ABHD18: variants seen among roughly 807,000 people sequenced by gnomAD.
ABHD18 encodes the protein abhydrolase domain containing 18.
ABHD18 carries 55 observed loss-of-function variants against 65.9 expected under a neutral mutation model. The ratio of observed to expected loss-of-function variants is 0.84; its 90% CI spans 0.67 to 1.05. The LOEUF (loss-of-function observed/expected upper bound fraction) is 1.05. Among genes scored for constraint, ABHD18 ranks in the 50% least tolerant of loss-of-function variants. The pLI is 0.00. For synonymous variants in ABHD18, 181 were observed against 180.2 expected (o/e 1.00, Z -0.04); for missense variants, 533 against 558.5 (o/e 0.95, Z 0.46).
intron 1 of ABHD18, among the ~76,000 whole-genome samples, chr4:127,979,016 T>C (rs567403942): frequency 6.6e-6 from 1 of 152,334 alleles, no homozygotes; most frequent in East Asian, 1.9e-4. Flanking sequence ...ATGGTAAGTA[T>C]GTAAGTCAAA....
intron 7 of ABHD18, among the ~76,000 whole-genome samples, chr4:128,012,836 T>TGGGTG (rs1291122546): frequency 2.0e-5 from 3 of 151,140 alleles, no homozygotes; most frequent in Non-Finnish European, 4.4e-5. Context: ...GAGGCCAAGG[T>TGGGTG]GGGTGGATCA....
intron 7 of ABHD18, among the ~76,000 whole-genome samples, chr4:128,014,512 A>G (rs981789531): frequency 2.6e-5 from 4 of 152,214 alleles, no homozygotes; most frequent in African/African-American, 9.6e-5. Flanking sequence ...AATTTCTTCC[A>G]TGTAGAAGTG....
intron 4 of ABHD18, among the ~76,000 whole-genome samples, chr4:127,995,277 A>G (rs1482934500): frequency 6.6e-6 from 1 of 152,246 alleles, no homozygotes; most frequent in Non-Finnish European, 1.5e-5. Context: ...ATGTGTAGGT[A>G]TATATCTGTG....
Position 127,985,580 on chromosome 4 carries a change from TAAAAC to T in ABHD18, c.177+1162_177+1166del, listed in dbSNP as rs555335003. The stretch of plus-strand genomic sequence containing the variant: ...TTTTTCTATTAAAAAATTATAAACT[TAAAAC>T]AAAAAAATTTAAAACATACCAAGTT... On this transcript the variant is annotated intron_variant, in intron 3 of 12. Coordinates refer to ENST00000645843, the MANE Select transcript of ABHD18 (RefSeq NM_001358451.3). Among the ~76,000 whole-genome samples the T allele has an allele frequency of 3.5e-3, 526 of 152,104 alleles. 3 individuals are homozygous for T. The highest frequency in any genetic ancestry group is 5.2e-3 in the Non-Finnish European group (353 of 67,992).
At chr4:128,019,368 T>C (rs1215280622) in intron 8 of ABHD18, among the ~76,000 whole-genome samples, 4 of 152,186 alleles carry the variant, frequency 2.6e-5, no homozygotes, top group Non-Finnish European at 5.9e-5. Flanking sequence ...TGGCCATGTG[T>C]GCCTATTGAC....
At chr4:128,007,164 A>C (rs1340460223) in intron 4 of ABHD18, among the ~76,000 whole-genome samples, 1 of 151,806 alleles carries the variant, frequency 6.6e-6, no homozygotes, top group Non-Finnish European at 1.5e-5. Flanking sequence ...AAAAGAAATA[A>C]AGAAATTAGC....
At chr4:128,027,375 A>C in intron 10 of ABHD18, among the ~76,000 whole-genome samples, 1 of 152,098 alleles carries the variant, frequency 6.6e-6, no homozygotes, top group East Asian at 1.9e-4. Context: ...TTGAGACTTT[A>C]ATAGGCAATA....
intron 12 of ABHD18, among the ~76,000 whole-genome samples, chr4:128,034,509 G>C (rs1184525047): frequency 1.3e-5 from 2 of 151,868 alleles, no homozygotes; most frequent in African/African-American, 2.4e-5. Flanking sequence ...AGAGTTTGAG[G>C]CTGCAGCGTG....
Position 127,978,241 on chromosome 4 carries a change from G to A in ABHD18, c.-17-4698G>A, listed in dbSNP as rs972190912. On this transcript the variant is annotated intron_variant, in intron 1 of 12. Transcript: ENST00000645843. ...GAAAATTTTTGTGGGTACATAGTAG[G>A]TGTATGGATTTATAGATTTCTAGAT... Among the ~76,000 whole-genome samples the A allele has an allele frequency of 4.6e-5, 7 of 152,106 alleles. No individual in the cohort carries two copies. In the East Asian group the frequency reaches 1.4e-3, roughly 29 times the overall value.
In ABHD18 at chr4:127,965,582, A is replaced by C; in HGVS notation, c.-42A>C. The C allele has an allele frequency of 4.4e-6, 1 of 226,716 alleles. No homozygotes were observed. The highest frequency in any genetic ancestry group is 9.0e-6 in the Non-Finnish European group (1 of 110,562). 14.0% of individuals were successfully genotyped at this position (226,716 alleles called of 1,614,324 possible). A position where few individuals can be genotyped will look rare whatever the true frequency, so the allele number is the denominator to read the frequency against. On this transcript the variant is annotated 5_prime_UTR_variant, in exon 1 of 13. Transcript: ENST00000645843. The stretch of plus-strand genomic sequence containing the variant: ...GGTGCTGGGAGGCCCGGCCAGCTCG[A>C]TCGCAGGCTTCCACCTGGCGGCCAG...
At position 128,028,625 on chromosome 4, in the gene ABHD18, A is replaced by G. The variant is rs1757731269; in HGVS notation, c.952A>G (p.Ser318Gly). Reference sequence around the variant, plus strand: ...AAAACCTGCTGACTGCCATAATTCTAGCAAAACATCTGTCAGTGCGACATC... The same window carrying G: ...AAAACCTGCTGACTGCCATAATTCTGGCAAAACATCTGTCAGTGCGACATC... ...SQKPADCHNSSKTSVSATSEG... is the reference protein window; with the variant it reads ...SQKPADCHNSGKTSVSATSEG... Residue 318 changes from serine to glycine, a missense_variant, in exon 11 of 13, where the codon AGC becomes GGC. Transcript: ENST00000645843. 6 of 1,613,904 alleles carry G rather than the reference A, an allele frequency of 3.7e-6. No individual in the cohort carries two copies. Among genetic ancestry groups the G allele is most frequent in the Non-Finnish European group, 5.1e-6 (6 of 1,179,858 alleles).
chr4:128,001,810 T>C, intron 4 of ABHD18: 2 of 1,504,690 alleles, frequency 1.3e-6, no homozygotes, highest in Non-Finnish European at 1.8e-6. Context: ...CTTTTGTATA[T>C]CCTTAGTGGT....
intron 4 of ABHD18, among the ~76,000 whole-genome samples, chr4:128,003,735 A>G (rs1178209985): frequency 6.6e-6 from 1 of 152,088 alleles, no homozygotes; most frequent in Non-Finnish European, 1.5e-5. Flanking sequence ...TACATTTTAC[A>G]TATAAAATTT....
Position 128,038,023 on chromosome 4 carries a change from G to C in ABHD18, c.*2210G>C, listed in dbSNP as rs1759036081. The C allele has an allele frequency of 6.6e-6, 1 of 152,106 alleles. No individual in the cohort carries two copies. Among genetic ancestry groups the C allele is most frequent in the South Asian group, 2.1e-4 (1 of 4,832 alleles). The allele number at this position is 152,106 out of a possible 1,614,324, so 9.4% of individuals were successfully genotyped here. A position where few individuals can be genotyped will look rare whatever the true frequency, so the allele number is the denominator to read the frequency against. ...AATTATTTTTAAATAGGGATTCTTAGTCTACTAACGATATTTGAATTATAA... is the reference window on the plus strand; with the variant it reads ...AATTATTTTTAAATAGGGATTCTTACTCTACTAACGATATTTGAATTATAA... On this transcript the variant is annotated 3_prime_UTR_variant, in exon 13 of 13. Coordinates refer to ENST00000645843, the MANE Select transcript of ABHD18 (RefSeq NM_001358451.3).
In ABHD18 at chr4:128,037,856, G is replaced by T. The variant is rs1043503121; in HGVS notation, c.*2043G>T. On this transcript the variant is annotated 3_prime_UTR_variant, in exon 13 of 13. Transcript: ENST00000645843. ...AACTCTCTTAAATGGGGTTTATATGGCTCGATTTGGTGCTTTCTTTTTATG... is the reference window on the plus strand; with the variant it reads ...AACTCTCTTAAATGGGGTTTATATGTCTCGATTTGGTGCTTTCTTTTTATG... 6.9e-5 allele frequency: 10 copies of T among 145,300 alleles called. 1 individual carries two copies. In the Admixed American group the frequency reaches 7.5e-4, roughly 11 times the overall value. 9.0% of individuals were successfully genotyped at this position (145,300 alleles called of 1,614,324 possible). A position where few individuals can be genotyped will look rare whatever the true frequency, so the allele number is the denominator to read the frequency against.
In ABHD18 at chr4:128,030,637, T is replaced by C. The variant is rs369653211; in HGVS notation, c.1308T>C (p.His436=). ...GCEIRYLEGG[H]ISAYLFKQGL... The stretch of plus-strand genomic sequence containing the variant: ...AAATCCGATACTTAGAAGGGGGTCA[T>C]ATTAGTGCTTATCTTTTTAAACAAG... Residue 436 remains histidine, a synonymous_variant, in exon 12 of 13, where the codon CAT becomes CAC. Coordinates refer to ENST00000645843, the MANE Select transcript of ABHD18 (RefSeq NM_001358451.3). 2.2e-5 allele frequency: 36 copies of C among 1,601,506 alleles called. No individual in the cohort carries two copies. The highest frequency in any genetic ancestry group is 2.8e-5 in the Non-Finnish European group (33 of 1,177,700).
Position 128,030,659 on chromosome 4 carries a change from C to T in ABHD18, c.1330C>T (p.Gln444Ter). The T allele has an allele frequency of 6.3e-7, 1 of 1,592,576 alleles. No individual in the cohort carries two copies. Among genetic ancestry groups the T allele is most frequent in the East Asian group, 2.3e-5 (1 of 43,930 alleles). The change falls in exon 12 of 13, where the codon CAA becomes TAA. Residue 444 changes from glutamine (Q) to a stop codon, truncating the protein, a stop_gained. Coordinates refer to ENST00000645843, the MANE Select transcript of ABHD18 (RefSeq NM_001358451.3). LOFTEE classifies it high-confidence loss of function. ...TCATATTAGTGCTTATCTTTTTAAA[C>T]AAGGACTCTTCAGGTAAGACGGCTG... The part of the protein sequence containing the change: ...GGHISAYLFK[Q>*]GLFRQAIYDA...
At chr4:127,968,122 A>C (rs1746045188) in intron 1 of ABHD18, among the ~76,000 whole-genome samples, 1 of 152,210 alleles carries the variant, frequency 6.6e-6, no homozygotes, top group African/African-American at 2.4e-5. Flanking sequence ...AGGCAGGAGA[A>C]TGGGGTGAAC....
intron 11 of ABHD18, among the ~76,000 whole-genome samples, chr4:128,029,483 C>T (rs1018486909): frequency 6.6e-6 from 1 of 151,922 alleles, no homozygotes; most frequent in South Asian, 2.1e-4. Context: ...GAGTTTGACA[C>T]CAGCCCGGGC....
Sources: gnomAD v4.1 joint callset for allele counts (sites outside exome capture counted in the v4.1 genomes callset) on GRCh38, gnomAD v4.1.1 for gene constraint, MANE v1.5 for transcripts, NCBI Gene and HGNC (gene_info 2026-07-23, HGNC 2026-07-21) for gene names.